TMEM207: variants seen among roughly 807,000 people sequenced by gnomAD.
The protein encoded by TMEM207 is SRSR846.
In TMEM207, 15 loss-of-function variants were observed where a neutral mutation model predicts 17.4. The ratio of observed to expected loss-of-function variants is 0.86; its 90% CI spans 0.58 to 1.33. The LOEUF is 1.33. Ranked by LOEUF, TMEM207 falls within the 40% of genes most tolerant of loss-of-function variation. TMEM207 has a pLI of 0.00. For synonymous variants in TMEM207, 70 were observed against 65.6 expected, an observed-to-expected ratio of 1.07 and a Z score of -0.33; for missense variants, 205 against 173.8, an observed-to-expected ratio of 1.18 and a Z score of -1.01.
chr3:190,444,313 G>T, intron 2 of TMEM207: 3 of 541,996 alleles, frequency 5.5e-6, no homozygotes, highest in Non-Finnish European at 7.1e-6. Context: ...GCGCAAGTTA[G>T]CATAGCTGGA....
At position 190,429,463 on chromosome 3, in the gene TMEM207, C is replaced by T. The variant is rs1001696550; in HGVS notation, c.*132G>A. The T allele has an allele frequency of 2.0e-5, 26 of 1,307,108 alleles. No individual in the cohort carries two copies. Among genetic ancestry groups the T allele is most frequent in the East Asian group, 1.6e-4 (6 of 38,574 alleles). The allele number at this position is 1,307,108 out of a possible 1,614,324, so 81.0% of individuals were successfully genotyped here. A position where few individuals can be genotyped will look rare whatever the true frequency, so the allele number is the denominator to read the frequency against. On this transcript the variant is annotated 3_prime_UTR_variant, in exon 5 of 5. Coordinates refer to ENST00000354905, the MANE Select transcript of TMEM207 (RefSeq NM_207316.3). ...TTTTTTCCAACATCCATTCTTTTGT[C>T]GAATTGTCCTTCCTCAGACTATATG...
At chr3:190,444,530 G>T in intron 2 of TMEM207, 1 of 816,714 alleles carries the variant, frequency 1.2e-6, no homozygotes, top group Non-Finnish European at 1.5e-6. Context: ...AGAAATGAGA[G>T]CCTGGTGAGG....
At chr3:190,434,437 A>G (rs575509253) in intron 4 of TMEM207, among the ~76,000 whole-genome samples, 3 of 152,288 alleles carry the variant, frequency 2.0e-5, no homozygotes, top group Non-Finnish European at 2.9e-5. Flanking sequence ...GCCTGCTGCC[A>G]TCCATCTAAG....
chr3:190,440,416 A>G (rs771319774), intron 3 of TMEM207, 27 bp from the exon 4 acceptor site: 1 of 1,598,950 alleles, frequency 6.3e-7, no homozygotes, highest in East Asian at 2.2e-5. Context: ...CCGAGAAAAG[A>G]ATGAGGTAGA....
intron 2 of TMEM207, among the ~76,000 whole-genome samples, chr3:190,444,810 G>A: frequency 6.6e-6 from 1 of 152,100 alleles, no homozygotes; most frequent in East Asian, 1.9e-4. Context: ...TAAGAACAAT[G>A]TTTTCCATAG....
chr3:190,441,761 G>C (rs1307372274), intron 2 of TMEM207, among the ~76,000 whole-genome samples: 1 of 152,206 alleles, frequency 6.6e-6, no homozygotes, highest in Non-Finnish European at 1.5e-5. Context: ...TACAAATACT[G>C]TTAAGCATTG....
At chr3:190,444,327 G>T in intron 2 of TMEM207, 3 of 672,734 alleles carry the variant, frequency 4.5e-6, no homozygotes, top group Non-Finnish European at 5.5e-6. Context: ...AGCTGGAAGT[G>T]GTAGAAGTAG....
intron 2 of TMEM207, 89 bp downstream of exon 2, chr3:190,447,701 T>C: frequency 1.5e-6 from 2 of 1,333,002 alleles, no homozygotes; most frequent in South Asian, 1.3e-5. Flanking sequence ...GAAACTCAAC[T>C]GGGCTTTTTC....
rs191719686 is a variant in TMEM207 at position 190,437,579 on chromosome 3, A to G, written c.304+2665T>C. On this transcript the variant is annotated intron_variant, in intron 4 of 4. Transcript: ENST00000354905. Reference sequence around the variant, plus strand: ...TCTCACACCAGTTAGAATGGCAATCATTAAAAAGTCAGGAAACAACAGGTG... The same window carrying G: ...TCTCACACCAGTTAGAATGGCAATCGTTAAAAAGTCAGGAAACAACAGGTG... 4.5e-3 allele frequency among the ~76,000 whole-genome samples: 683 copies of G among 152,296 alleles called. 9 individuals carry two copies. The South Asian group carries it at 0.053, about 12-fold the overall frequency.
chr3:190,440,768 A>G (rs1291287056), intron 3 of TMEM207, among the ~76,000 whole-genome samples: 1 of 152,198 alleles, frequency 6.6e-6, no homozygotes, highest in African/African-American at 2.4e-5. Flanking sequence ...GGGGATAGGA[A>G]TTCAAAAGTA....
At chr3:190,440,208 A>G (rs752418348) in intron 4 of TMEM207, 36 bp downstream of exon 4, 1 of 1,577,808 alleles carries the variant, frequency 6.3e-7, no homozygotes, top group South Asian at 1.2e-5. Context: ...ACCACAAAGT[A>G]TCAAAAAAGA....
At chr3:190,446,908 A>T (rs545419956) in intron 2 of TMEM207, among the ~76,000 whole-genome samples, 17 of 152,210 alleles carry the variant, frequency 1.1e-4, no homozygotes, top group Non-Finnish European at 2.4e-4. Context: ...CATCACAAAC[A>T]GCATAAGACA....
Position 190,441,375 on chromosome 3 carries a change from A to C in TMEM207, c.158+63T>G, listed in dbSNP as rs111671593. 4 of 1,326,486 alleles carry C rather than the reference A, an allele frequency of 3.0e-6. No individual in the cohort carries two copies. In the East Asian group the frequency reaches 6.9e-5, roughly 23 times the overall value. The allele number at this position is 1,326,486 out of a possible 1,614,324, so 82.2% of individuals were successfully genotyped here. On this transcript the variant is annotated intron_variant, in intron 3 of 4. Coordinates refer to ENST00000354905, the MANE Select transcript of TMEM207 (RefSeq NM_207316.3). Reference sequence around the variant, plus strand: ...ATGATTTCATGTACCATCTCAAATTATTTAGGACAAAGACTGTATATACCA... The same window carrying C: ...ATGATTTCATGTACCATCTCAAATTCTTTAGGACAAAGACTGTATATACCA...
intron 4 of TMEM207, among the ~76,000 whole-genome samples, chr3:190,436,681 A>C (rs1256602452): frequency 6.6e-6 from 1 of 152,210 alleles, no homozygotes; most frequent in Non-Finnish European, 1.5e-5. Context: ...GGAGAAGTGA[A>C]GGTATCATGA....
At chr3:190,436,018 A>G (rs746029852) in intron 4 of TMEM207, among the ~76,000 whole-genome samples, 1 of 152,222 alleles carries the variant, frequency 6.6e-6, no homozygotes, top group Non-Finnish European at 1.5e-5. Context: ...TAACATTAGC[A>G]CAATTTGTCC....
At chr3:190,446,507 A>AT (rs11386831) in intron 2 of TMEM207, among the ~76,000 whole-genome samples, 126,817 of 151,530 alleles carry the variant, frequency 0.84, 53,590 homozygotes, top group African/African-American at 0.95. Context: ...TTGAGGGTTA[A>AT]TTTTTTTTTG....
intron 1 of TMEM207, 81 bp downstream of exon 1, chr3:190,449,654 A>G: frequency 7.7e-7 from 1 of 1,291,460 alleles, no homozygotes; most frequent in Non-Finnish European, 1.1e-6. Context: ...AGTTGCTCAC[A>G]TATAAATCTA....
At chr3:190,446,099 T>C (rs1344323982) in intron 2 of TMEM207, among the ~76,000 whole-genome samples, 1 of 152,136 alleles carries the variant, frequency 6.6e-6, no homozygotes, top group East Asian at 1.9e-4. Flanking sequence ...TTAAAAGACA[T>C]TTGGAGTAGG....
At chr3:190,437,587 G>C (rs1719831030) in intron 4 of TMEM207, among the ~76,000 whole-genome samples, 2 of 152,024 alleles carry the variant, frequency 1.3e-5, no homozygotes, top group Non-Finnish European at 2.9e-5. Flanking sequence ...TCATTAAAAA[G>C]TCAGGAAACA....
Sources: allele counts gnomAD v4.1 joint callset (sites outside exome capture counted in the v4.1 genomes callset), GRCh38; gene constraint gnomAD v4.1.1; transcripts MANE v1.5; gene names NCBI Gene and HGNC (gene_info 2026-07-23, HGNC 2026-07-21).